Variants in DGKB observed in about 807,000 individuals in gnomAD.
DGKB encodes the protein diacylglycerol kinase beta.
DGKB carries 67 observed loss-of-function variants against 114.3 expected under a neutral mutation model. The observed-to-expected ratio is 0.59, with a 90% CI of 0.48 to 0.72. The LOEUF (loss-of-function observed/expected upper bound fraction) is 0.72. Ranked by LOEUF, DGKB falls within the 30% of genes least tolerant of loss-of-function variation. The pLI is 0.00. For missense variants in DGKB, 907 were observed against 975.2 expected, an observed-to-expected ratio of 0.93 and a Z score of 0.93; for synonymous variants, 398 against 323.1, an observed-to-expected ratio of 1.23 and a Z score of -2.49.
intron 15 of DGKB, among the ~76,000 whole-genome samples, chr7:14,614,878 C>G (rs1317188684): frequency 6.6e-6 from 1 of 152,034 alleles, no homozygotes; most frequent in Non-Finnish European, 1.5e-5. Context: ...GCAGGAAAAA[C>G]TTATGCACTA....
intron 2 of DGKB, among the ~76,000 whole-genome samples, chr7:14,825,057 T>TATATATATAG (rs1845512983): frequency 7.7e-6 from 1 of 129,312 alleles, no homozygotes; most frequent in Non-Finnish European, 1.6e-5. Context: ...TATATATATA[T>TATATATATAG]CACATGTACT....
intron 1 of DGKB, among the ~76,000 whole-genome samples, chr7:14,873,480 G>A (rs1405370148): frequency 6.6e-6 from 1 of 151,900 alleles, no homozygotes; most frequent in Non-Finnish European, 1.5e-5. Context: ...TATAAGTTTA[G>A]AAATTTACTC....
chr7:14,580,323 G>A (rs994672665), intron 19 of DGKB, among the ~76,000 whole-genome samples: 1 of 152,100 alleles, frequency 6.6e-6, no homozygotes, highest in African/African-American at 2.4e-5. Context: ...TTAGTGTAAG[G>A]TCTCACATAT....
intron 1 of DGKB, among the ~76,000 whole-genome samples, chr7:14,886,935 C>T (rs552215846): frequency 1.3e-5 from 2 of 152,040 alleles, no homozygotes; most frequent in East Asian, 1.9e-4. Context: ...CTTAAGTCAG[C>T]CTTGCAATAA....
At chr7:14,661,395 G>A (rs923442250) in intron 13 of DGKB, among the ~76,000 whole-genome samples, 1 of 142,348 alleles carries the variant, frequency 7.0e-6, no homozygotes, top group African/African-American at 2.6e-5. Context: ...GTGGGCGAAG[G>A]ACATGAACAG....
At chr7:14,440,693 C>A (rs750206330) in intron 21 of DGKB, among the ~76,000 whole-genome samples, 4 of 152,094 alleles carry the variant, frequency 2.6e-5, no homozygotes, top group Admixed American at 2.6e-4. Context: ...ATAAGTAATG[C>A]AAATAATGTT....
chr7:14,876,937 T>A (rs1048610095), intron 1 of DGKB, among the ~76,000 whole-genome samples: 25 of 152,222 alleles, frequency 1.6e-4, no homozygotes, highest in African/African-American at 5.8e-4. Flanking sequence ...ATCCTCCAAA[T>A]TCTGTTTACA....
At chr7:14,216,602 T>C (rs1788998367) in intron 23 of DGKB, among the ~76,000 whole-genome samples, 1 of 151,576 alleles carries the variant, frequency 6.6e-6, no homozygotes, top group Non-Finnish European at 1.5e-5. Flanking sequence ...GGTGGGTGCC[T>C]GTAATCCCAG....
intron 23 of DGKB, chr7:14,192,133 A>T (rs191876575): frequency 3.1e-6 from 1 of 325,118 alleles, no homozygotes; most frequent in Non-Finnish European, 5.9e-6. Context: ...GGTGAGGAAG[A>T]AATAAAAGGC....
At position 14,297,758 on chromosome 7, in the gene DGKB, T is replaced by C. The variant is rs1035039614; in HGVS notation, c.2122+40757A>G. Among the ~76,000 whole-genome samples, 3 of 152,062 alleles carry C rather than the reference T, an allele frequency of 2.0e-5. No individual in the cohort carries two copies. In the East Asian group the frequency reaches 5.8e-4, roughly 29 times the overall value. ...GGTATTCAGATAGGAAGAGAGGAAA[T>C]CAAATTGTCTCTGGCTGCAGACGAC... On this transcript the variant is annotated intron_variant, in intron 23 of 25. Coordinates refer to ENST00000402815, the MANE Select transcript of DGKB (RefSeq NM_001350709.2).
chr7:14,608,887 G>C (rs1223673718), intron 16 of DGKB, among the ~76,000 whole-genome samples: 1 of 151,798 alleles, frequency 6.6e-6, no homozygotes, highest in African/African-American at 2.4e-5. Context: ...TCTACAAGGA[G>C]AACCACAAAG....
intron 1 of DGKB, among the ~76,000 whole-genome samples, chr7:14,887,990 G>A (rs529338982): frequency 6.7e-4 from 101 of 151,656 alleles, no homozygotes; most frequent in Non-Finnish European, 1.3e-3. Context: ...AATACCTGTT[G>A]AATGGGAGTT....
chr7:14,286,879 G>T (rs1398235444), intron 23 of DGKB, among the ~76,000 whole-genome samples: 1 of 152,012 alleles, frequency 6.6e-6, no homozygotes, highest in Non-Finnish European at 1.5e-5. Flanking sequence ...GGACAAAAAG[G>T]CATGAACAAT....
intron 1 of DGKB, among the ~76,000 whole-genome samples, chr7:14,854,224 G>A (rs1849796594): frequency 6.6e-6 from 1 of 152,088 alleles, no homozygotes; most frequent in Admixed American, 6.6e-5. Flanking sequence ...GGTAACTCTG[G>A]AGCTTAATCT....
chr7:14,557,112 C>A (rs1022064719), intron 20 of DGKB, among the ~76,000 whole-genome samples: 1 of 152,088 alleles, frequency 6.6e-6, no homozygotes, highest in African/African-American at 2.4e-5. Flanking sequence ...AACAGAAAAC[C>A]CAGGTGTAGA....
At chr7:14,625,329 C>T (rs1808382755) in intron 14 of DGKB, among the ~76,000 whole-genome samples, 1 of 152,052 alleles carries the variant, frequency 6.6e-6, no homozygotes, top group African/African-American at 2.4e-5. Context: ...TTTAATTTTT[C>T]TTCTATTTCC....
At position 14,615,302 on chromosome 7, in the gene DGKB, T is replaced by C. The variant is rs77737846; in HGVS notation, c.1285-1889A>G. ...AAAGTCAACATTCATTTTATAACTA[T>C]ATGAGATTATACAAAAATTCATGCT... On this transcript the variant is annotated intron_variant, in intron 15 of 25. Transcript: ENST00000402815. 7.9e-5 allele frequency among the ~76,000 whole-genome samples: 12 copies of C among 152,074 alleles called. No individual in the cohort carries two copies. The East Asian group carries it at 2.3e-3, about 29-fold the overall frequency.
chr7:14,513,745 T>C (rs745432351), intron 20 of DGKB, among the ~76,000 whole-genome samples: 5 of 152,046 alleles, frequency 3.3e-5, no homozygotes, highest in Non-Finnish European at 5.9e-5. Context: ...CATCTTTGTA[T>C]ACTCCCTAGG....
At chr7:14,303,343 A>T (rs2128491693) in intron 23 of DGKB, among the ~76,000 whole-genome samples, 1 of 152,270 alleles carries the variant, frequency 6.6e-6, no homozygotes, top group South Asian at 2.1e-4. Context: ...TTCCCGCCGT[A>T]GTTAGTTTTT....
Sources: allele counts gnomAD v4.1 joint callset (sites outside exome capture counted in the v4.1 genomes callset), GRCh38; gene constraint gnomAD v4.1.1; transcripts MANE v1.5; gene names NCBI Gene and HGNC (gene_info 2026-07-23, HGNC 2026-07-21).